Variants in VEPH1 observed in about 807,000 individuals in gnomAD.
The protein encoded by VEPH1 is ventricular zone-expressed PH domain-containing protein homolog 1.
A neutral mutation model predicts 85.2 loss-of-function variants in VEPH1; 80 were observed. The ratio of observed to expected loss-of-function variants is 0.94; its 90% CI spans 0.78 to 1.13. The LOEUF is 1.13. Among genes scored for constraint, VEPH1 ranks in the 50% most tolerant of loss-of-function variants. The pLI is 0.00. For synonymous variants in VEPH1, 297 were observed against 348.0 expected (o/e 0.85, Z 1.63); for missense variants, 955 against 980.5 (o/e 0.97, Z 0.35).
Position 157,313,700 on chromosome 3 carries a change from G to A in VEPH1, c.1931C>T (p.Ala644Val). The A allele has an allele frequency of 6.2e-7, 1 of 1,614,088 alleles. No homozygotes were observed. Among genetic ancestry groups the A allele is most frequent in the Non-Finnish European group, 8.5e-7 (1 of 1,180,014 alleles). Reference protein sequence around the residue: ...IQSHSVQFLRALWEKTQAGGA... With the variant: ...IQSHSVQFLRVLWEKTQAGGA... ...CCCTGCCTGGGTCTTCTCCCACAGAGCTCTGAGGAATTGCACAGAATGACT... is the reference window on the plus strand; with the variant it reads ...CCCTGCCTGGGTCTTCTCCCACAGAACTCTGAGGAATTGCACAGAATGACT... The change falls in exon 11 of 14, where the codon GCT becomes GTT. Residue 644 changes from alanine to valine, a missense_variant. Coordinates refer to ENST00000362010, the MANE Select transcript of VEPH1 (RefSeq NM_001167912.2).
chr3:157,470,021 G>A (rs1222722879), intron 3 of VEPH1, among the ~76,000 whole-genome samples: 1 of 152,078 alleles, frequency 6.6e-6, no homozygotes, highest in African/African-American at 2.4e-5. Flanking sequence ...CCTCCTGTGG[G>A]TCTTGGCACA....
At chr3:157,293,780 G>T (rs1443258124) in intron 11 of VEPH1, among the ~76,000 whole-genome samples, 1 of 152,152 alleles carries the variant, frequency 6.6e-6, no homozygotes, top group African/African-American at 2.4e-5. Flanking sequence ...TTTTATAAAT[G>T]TTTGATAAAA....
intron 4 of VEPH1, among the ~76,000 whole-genome samples, chr3:157,447,664 G>C (rs545250794): frequency 1.3e-5 from 2 of 148,868 alleles, no homozygotes; most frequent in Non-Finnish European, 3.0e-5. Context: ...GCATGATCTC[G>C]GCTCACTGCA....
intron 4 of VEPH1, among the ~76,000 whole-genome samples, chr3:157,435,794 T>C (rs960501714): frequency 6.6e-6 from 1 of 152,244 alleles, no homozygotes; most frequent in Non-Finnish European, 1.5e-5. Flanking sequence ...GACCTGTATA[T>C]ATTGTTAGAA....
intron 2 of VEPH1, among the ~76,000 whole-genome samples, chr3:157,471,181 A>T (rs924759478): frequency 2.6e-5 from 4 of 152,214 alleles, no homozygotes; most frequent in African/African-American, 9.6e-5. Context: ...TGGTGGACTC[A>T]CAAAACTGAA....
chr3:157,409,033 A>G (rs1273391904), intron 6 of VEPH1, among the ~76,000 whole-genome samples: 1 of 152,112 alleles, frequency 6.6e-6, no homozygotes, highest in Non-Finnish European at 1.5e-5. Flanking sequence ...CTCTCCAGCT[A>G]GACAGGTTTC....
At chr3:157,451,801 G>A (rs981967691) in intron 4 of VEPH1, among the ~76,000 whole-genome samples, 1 of 152,126 alleles carries the variant, frequency 6.6e-6, no homozygotes, top group Non-Finnish European at 1.5e-5. Context: ...AGACCAGAGT[G>A]GCTCTGCTCA....
At chr3:157,385,219 CAA>C (rs66539962) in intron 6 of VEPH1, among the ~76,000 whole-genome samples, 229 of 135,446 alleles carry the variant, frequency 1.7e-3, no homozygotes, top group African/African-American at 5.1e-3. Context: ...CTCCTCCCAT[CAA>C]AAAAAAAAAA....
intron 9 of VEPH1, among the ~76,000 whole-genome samples, chr3:157,340,546 C>A (rs913339107): frequency 2.0e-5 from 3 of 152,142 alleles, no homozygotes; most frequent in Non-Finnish European, 2.9e-5. Flanking sequence ...CTGGGTGGAG[C>A]CCACTGCAGC....
chr3:157,468,889 ACCCTG>A (rs1736647431), intron 3 of VEPH1, among the ~76,000 whole-genome samples: 2 of 151,648 alleles, frequency 1.3e-5, no homozygotes, highest in Admixed American at 6.6e-5. Flanking sequence ...TCCCCCACTC[ACCCTG>A]GGACGAGAAC....
At chr3:157,296,415 G>A (rs1222239243) in intron 11 of VEPH1, among the ~76,000 whole-genome samples, 1 of 152,216 alleles carries the variant, frequency 6.6e-6, no homozygotes, top group Non-Finnish European at 1.5e-5. Context: ...TTCTGCGTGT[G>A]TATGCGTGTG....
chr3:157,298,804 CAT>C (rs1212711826), intron 11 of VEPH1, among the ~76,000 whole-genome samples: 1 of 151,788 alleles, frequency 6.6e-6, no homozygotes, highest in African/African-American at 2.4e-5. Context: ...TTAAAAAAAA[CAT>C]AGAAATTACT....
At chr3:157,367,274 A>G (rs1303152519) in intron 7 of VEPH1, among the ~76,000 whole-genome samples, 1 of 152,182 alleles carries the variant, frequency 6.6e-6, no homozygotes, top group Admixed American at 6.5e-5. Context: ...CATATATATG[A>G]TATTGGCTAC....
intron 11 of VEPH1, among the ~76,000 whole-genome samples, chr3:157,292,073 T>C (rs1268917104): frequency 1.3e-5 from 2 of 152,226 alleles, no homozygotes; most frequent in Non-Finnish European, 2.9e-5. Context: ...TATAGTATGT[T>C]GACTACTTGT....
intron 4 of VEPH1, chr3:157,442,666 A>C (rs1367508084): frequency 6.2e-7 from 1 of 1,614,072 alleles, no homozygotes; most frequent in Non-Finnish European, 8.5e-7. Flanking sequence ...AATTCAGAGG[A>C]AGGGCTCACA....
At chr3:157,327,221 C>A (rs911935291) in intron 9 of VEPH1, among the ~76,000 whole-genome samples, 2 of 152,278 alleles carry the variant, frequency 1.3e-5, no homozygotes, top group African/African-American at 4.8e-5. Context: ...TCCACCACCA[C>A]AAGGGAGCAG....
At chr3:157,476,000 G>A (rs1737434795) in intron 2 of VEPH1, among the ~76,000 whole-genome samples, 1 of 152,212 alleles carries the variant, frequency 6.6e-6, no homozygotes. Flanking sequence ...ATGTTCATGG[G>A]AATATTCACT....
chr3:157,409,236 T>C lies in VEPH1; in HGVS notation c.906+4645A>G, dbSNP rs979652868. Among the ~76,000 whole-genome samples the C allele has an allele frequency of 5.3e-5, 8 of 152,242 alleles. No homozygotes were observed. The Middle Eastern group carries it at 0.01, about 194-fold the overall frequency. On this transcript the variant is annotated intron_variant, in intron 6 of 13. Transcript: ENST00000362010. ...AAGGTTTCCACTGCAACCTTCTCAT[T>C]TGAGAAAGACAAAATGACCCATGTA...
At chr3:157,414,868 GTTTGTTTGTTTCT>G (rs1382746171) in intron 5 of VEPH1, among the ~76,000 whole-genome samples, 1 of 152,036 alleles carries the variant, frequency 6.6e-6, no homozygotes, top group Non-Finnish European at 1.5e-5. Context: ...CCATATTTCT[GTTTGTTTGTTTCT>G]TTTGTTTGTG....
Sources: gnomAD v4.1 joint callset for allele counts (sites outside exome capture counted in the v4.1 genomes callset) on GRCh38, gnomAD v4.1.1 for gene constraint, MANE v1.5 for transcripts, NCBI Gene and HGNC (gene_info 2026-07-23, HGNC 2026-07-21) for gene names.